JADE1: variants seen among roughly 807,000 people sequenced by gnomAD.
The protein encoded by JADE1 is protein Jade-1.
Under a neutral mutation model 81.8 loss-of-function variants are expected in JADE1, and 14 were observed. That is an observed-to-expected ratio of 0.17 (90% CI 0.11 to 0.27). The LOEUF is 0.27. JADE1 is among the 10% of genes least tolerant of loss of function. The pLI, the probability that JADE1 is intolerant of heterozygous loss-of-function variation, is 1.00. For missense variants in JADE1, 690 were observed against 1,047.9 expected (o/e 0.66, Z 4.71); for synonymous variants, 353 against 391.9 (o/e 0.90, Z 1.17).
Position 128,855,692 on chromosome 4 carries a change from G to C in JADE1, c.759G>C (p.Gly253=), listed in dbSNP as rs149983712. The C allele has an allele frequency of 2.8e-4, 448 of 1,614,174 alleles. 3 individuals are homozygous for C. In the African/African-American group the frequency reaches 5.2e-3, roughly 19 times the overall value. ...GSWLCRTCAL[G]VQPKCLLCPK... is the part of the protein sequence containing the mutation. Reference sequence around the variant, plus strand: ...GGCTGTGCCGGACATGTGCCCTGGGGGTTCAGCCAAAATGTCTGCTGTGTC... The same window carrying C: ...GGCTGTGCCGGACATGTGCCCTGGGCGTTCAGCCAAAATGTCTGCTGTGTC... Residue 253 remains glycine, a synonymous_variant, in exon 7 of 11, where the codon GGG becomes GGC. Coordinates refer to ENST00000226319, the MANE Select transcript of JADE1 (RefSeq NM_199320.4).
intron 1 of JADE1, among the ~76,000 whole-genome samples, chr4:128,826,237 C>A (rs1728049593): frequency 1.3e-5 from 2 of 152,202 alleles, no homozygotes; most frequent in African/African-American, 4.8e-5. Flanking sequence ...CTGAGGGCAT[C>A]TATTGTAGCC....
At chr4:128,811,886 G>GGGAGCC (rs1229380733) in intron 1 of JADE1, 3 of 151,720 alleles carry the variant, frequency 2.0e-5, no homozygotes, top group East Asian at 2.0e-4. Context: ...GAGCGGGAGC[G>GGGAGCC]GGAGCCGAGC....
chr4:128,854,770 C>T (rs1249347969), intron 6 of JADE1, among the ~76,000 whole-genome samples: 1 of 152,134 alleles, frequency 6.6e-6, no homozygotes, highest in Non-Finnish European at 1.5e-5. Flanking sequence ...CTGGTACCAT[C>T]GTGGTTTTTA....
intron 9 of JADE1, chr4:128,864,209 G>A (rs1731605892): frequency 1.3e-6 from 1 of 766,174 alleles, no homozygotes; most frequent in Non-Finnish European, 1.6e-6. Context: ...GTGCAGTGGC[G>A]TGATCTCGGC....
chr4:128,849,212 A>G, intron 5 of JADE1, 45 bp downstream of exon 5: 1 of 1,518,676 alleles, frequency 6.6e-7, no homozygotes, highest in Non-Finnish European at 8.9e-7. Flanking sequence ...AATGATGAAT[A>G]GAGACATTTT....
At chr4:128,864,499 A>G (rs1731635987) in intron 9 of JADE1, 1 of 985,436 alleles carries the variant, frequency 1.0e-6, no homozygotes, top group African/African-American at 1.7e-5. Flanking sequence ...AAAATTTGCC[A>G]TGATGCCTGT....
rs3069727 is a variant in JADE1, at chr4:128,875,004, GA to G, written c.*2755del. On this transcript the variant is annotated 3_prime_UTR_variant, in exon 11 of 11. Transcript: ENST00000226319. ...GCTTGGTGTCCATTCAGCTAAAATT[GA>G]AAAAAAAAAAAAGGTGCATGAAGAG... 12,803 of 131,912 alleles carry G rather than the reference GA, an allele frequency of 0.097. 1,391 individuals are homozygous for G. Among genetic ancestry groups the G allele is most frequent in the African/African-American group, 0.28 (10,582 of 38,224 alleles). 8.2% of individuals were successfully genotyped at this position (131,912 alleles called of 1,614,324 possible).
intron 1 of JADE1, 127 bp from the exon 2 acceptor site, chr4:128,831,606 A>T (rs1728560596): frequency 1.3e-6 from 1 of 741,666 alleles, no homozygotes. Context: ...TACTGTTTAC[A>T]ATTCAAATGC....
intron 8 of JADE1, among the ~76,000 whole-genome samples, chr4:128,857,956 G>A (rs1730933599): frequency 6.6e-6 from 1 of 152,192 alleles, no homozygotes; most frequent in Non-Finnish European, 1.5e-5. Flanking sequence ...TAATGCATTT[G>A]CAGTTGGAAA....
In JADE1 at chr4:128,867,892, A is replaced by G; in HGVS notation, c.1540A>G (p.Lys514Glu). ...NLTYMVTRRE[K>E]IKRSVCKVQE... The stretch of plus-strand genomic sequence containing the variant: ...CACTTACATGGTGACCCGCAGGGAA[A>G]AGATTAAACGGTCTGTGTGCAAAGT... The change falls in exon 10 of 11, where the codon AAG (lysine) becomes GAG (glutamate). Residue 514 changes from lysine to glutamate, a missense_variant. Coordinates refer to ENST00000226319, the MANE Select transcript of JADE1 (RefSeq NM_199320.4). The G allele has an allele frequency of 6.2e-7, 1 of 1,613,876 alleles. No homozygotes were observed. Among genetic ancestry groups the G allele is most frequent in the South Asian group, 1.1e-5 (1 of 91,060 alleles).
At chr4:128,851,552 T>G (rs944339676) in intron 5 of JADE1, among the ~76,000 whole-genome samples, 3 of 152,228 alleles carry the variant, frequency 2.0e-5, no homozygotes, top group African/African-American at 7.2e-5. Flanking sequence ...TACCTGACCA[T>G]AGGAAAATAA....
At position 128,858,309 on chromosome 4, in the gene JADE1, A is replaced by G. The variant is rs139761809; in HGVS notation, c.981+855A>G. On this transcript the variant is annotated intron_variant, in intron 8 of 10. Transcript: ENST00000226319. The stretch of plus-strand genomic sequence containing the variant: ...TCACATTATTGACATCTAGACAGTC[A>G]GGATTAGAGAGGCCTGCAGTGCTGT... Among the ~76,000 whole-genome samples the G allele has an allele frequency of 1.5e-3, 232 of 152,252 alleles. 2 individuals carry two copies. Among genetic ancestry groups the G allele is most frequent in the East Asian group, 0.014 (70 of 5,152 alleles).
intron 6 of JADE1, among the ~76,000 whole-genome samples, chr4:128,853,280 T>G (rs1730522297): frequency 6.6e-6 from 1 of 152,206 alleles, no homozygotes; most frequent in African/African-American, 2.4e-5. Flanking sequence ...TGACTACTTC[T>G]AAATCTAAAG....
At chr4:128,839,408 T>C (rs567811014) in intron 2 of JADE1, among the ~76,000 whole-genome samples, 39 of 152,330 alleles carry the variant, frequency 2.6e-4, no homozygotes, top group African/African-American at 9.1e-4. Context: ...TGTTAGTGGA[T>C]GGTATCTCAG....
chr4:128,839,952 T>A lies in JADE1; in HGVS notation c.53-3001T>A, dbSNP rs149730055. Among the ~76,000 whole-genome samples, 1,434 of 152,360 alleles carry A rather than the reference T, an allele frequency of 9.4e-3. 17 individuals are homozygous for A. Among genetic ancestry groups the A allele is most frequent in the Middle Eastern group, 0.044 (13 of 294 alleles). ...TGTCTGCAAAGTGAGTTTAATAGGATTAATTTTGCTTTTCCTTCTTCTGTA... is the reference window on the plus strand; with the variant it reads ...TGTCTGCAAAGTGAGTTTAATAGGAATAATTTTGCTTTTCCTTCTTCTGTA... On this transcript the variant is annotated intron_variant, in intron 2 of 10. Coordinates refer to ENST00000226319, the MANE Select transcript of JADE1 (RefSeq NM_199320.4).
intron 1 of JADE1, among the ~76,000 whole-genome samples, chr4:128,824,529 G>A (rs1727873952): frequency 1.3e-5 from 2 of 152,122 alleles, no homozygotes; most frequent in Non-Finnish European, 2.9e-5. Flanking sequence ...TTAGATTTTA[G>A]CTATTTGACA....
intron 8 of JADE1, among the ~76,000 whole-genome samples, chr4:128,859,584 AGT>A (rs1328129973): frequency 4.6e-5 from 7 of 151,820 alleles, no homozygotes; most frequent in African/African-American, 1.7e-4. Context: ...TGTATGTGTG[AGT>A]GTGCATGTGT....
chr4:128,818,298 T>C (rs1727229916), intron 1 of JADE1, among the ~76,000 whole-genome samples: 1 of 152,124 alleles, frequency 6.6e-6, no homozygotes, highest in Non-Finnish European at 1.5e-5. Context: ...TTTTTGTATT[T>C]TTAGTAGAGA....
rs148007116 is a variant in JADE1, at chr4:128,831,805, A to G, written c.47A>G (p.Asn16Ser). Residue 16 changes from asparagine (N) to serine (S), a missense_variant, in exon 2 of 11, where the codon AAT (asparagine) becomes AGT (serine). Physicochemically the swap from Asn to Ser is conservative, Grantham distance 46. This residue lies in a region of JADE1 where 59 missense variants were observed against 52.8 expected (regional missense o/e 1.12). Coordinates refer to ENST00000226319, the MANE Select transcript of JADE1 (RefSeq NM_199320.4). ...AGCAGCAGTGAGGATTCTGACGACA[A>G]TGGCAGTAAGTCCTGCTTTGTTGTT... Reference protein sequence around the residue: ...LPSSSEDSDDNGSLSTTWSQN... With the variant: ...LPSSSEDSDDSGSLSTTWSQN... 3 of 1,613,878 alleles carry G rather than the reference A, an allele frequency of 1.9e-6. No homozygotes were observed. Among genetic ancestry groups the G allele is most frequent in the African/African-American group, 2.7e-5 (2 of 74,918 alleles).
Sources: gnomAD v4.1 joint callset for allele counts (sites outside exome capture counted in the v4.1 genomes callset) on GRCh38, gnomAD v4.1.1 for gene constraint, gnomAD v4.1.1 regional missense constraint, MANE v1.5 for transcripts, NCBI Gene and HGNC (gene_info 2026-07-23, HGNC 2026-07-21) for gene names.